The following SEZ6L variants were observed in gnomAD, a reference collection of about 807,000 sequenced individuals.
SEZ6L encodes seizure related 6 homolog like.
A neutral mutation model predicts 106.2 loss-of-function variants in SEZ6L; 37 were observed. That is an observed-to-expected ratio of 0.35 (90% CI 0.27 to 0.46). The LOEUF (loss-of-function observed/expected upper bound fraction) is 0.46. Among genes scored for constraint, SEZ6L ranks in the 20% least tolerant of loss-of-function variants. The pLI is 1.00. For missense variants in SEZ6L, 1,172 were observed against 1,332.8 expected, an observed-to-expected ratio of 0.88 and a Z score of 1.88; for synonymous variants, 541 against 570.4, an observed-to-expected ratio of 0.95 and a Z score of 0.73.
chr22:26,360,334 A>G (rs1160076132), intron 12 of SEZ6L, among the ~76,000 whole-genome samples: 1 of 152,162 alleles, frequency 6.6e-6, no homozygotes, highest in Non-Finnish European at 1.5e-5. Context: ...CCCCAGGGCG[A>G]GGACAGTGTT....
intron 1 of SEZ6L, among the ~76,000 whole-genome samples, chr22:26,285,675 G>A (rs181857518): frequency 2.6e-5 from 4 of 152,252 alleles, no homozygotes; most frequent in East Asian, 1.9e-4. Flanking sequence ...TTCCTACAAC[G>A]CATAGAGCAG....
At position 26,373,336 on chromosome 22, in the gene SEZ6L, C is replaced by T. The variant is rs1045701997; in HGVS notation, c.2795-115C>T. 5 of 836,586 alleles carry T rather than the reference C, an allele frequency of 6.0e-6. No homozygotes were observed. The African/African-American group carries it at 8.6e-5, about 14-fold the overall frequency. 51.8% of individuals were successfully genotyped at this position (836,586 alleles called of 1,614,324 possible). A position where few individuals can be genotyped will look rare whatever the true frequency, so the allele number is the denominator to read the frequency against. ...TGGCCCAAGATAAGTAAAAACATAC[C>T]ACTAACTTCACCAAAGCATGGCATG... is the stretch of plus-strand genomic sequence containing the variant. On this transcript the variant is annotated intron_variant, in intron 13 of 16. Coordinates refer to ENST00000248933, the MANE Select transcript of SEZ6L (RefSeq NM_021115.5).
chr22:26,205,064 C>T (rs1368273753), intron 1 of SEZ6L, among the ~76,000 whole-genome samples: 3 of 152,202 alleles, frequency 2.0e-5, no homozygotes, highest in African/African-American at 7.2e-5. Context: ...TTTTCCCATT[C>T]ATTATTCCTT....
chr22:26,253,455 C>T (rs9613142), intron 1 of SEZ6L, among the ~76,000 whole-genome samples: 34,312 of 152,074 alleles, frequency 0.23, 4,219 homozygotes, highest in African/African-American at 0.31. Flanking sequence ...TTGCAATGTC[C>T]TTTCTCAACG....
chr22:26,215,174 CATG>C (rs2078265380), intron 1 of SEZ6L, among the ~76,000 whole-genome samples: 1 of 152,174 alleles, frequency 6.6e-6, no homozygotes, highest in Admixed American at 6.5e-5. Flanking sequence ...TTGTTTTAAT[CATG>C]ATGTTAACTG....
chr22:26,302,894 C>T (rs545872174), intron 5 of SEZ6L, among the ~76,000 whole-genome samples: 1 of 152,288 alleles, frequency 6.6e-6, no homozygotes, highest in South Asian at 2.1e-4. Context: ...ATGGCCAGAG[C>T]CCCCCACCAG....
intron 9 of SEZ6L, among the ~76,000 whole-genome samples, chr22:26,337,743 G>T (rs1601538027): frequency 6.6e-6 from 1 of 152,198 alleles, no homozygotes; most frequent in East Asian, 1.9e-4. Context: ...GAAGACATGT[G>T]TGCAAAGCAA....
intron 10 of SEZ6L, among the ~76,000 whole-genome samples, chr22:26,345,611 T>C (rs1469692617): frequency 6.6e-6 from 1 of 152,172 alleles, no homozygotes; most frequent in Non-Finnish European, 1.5e-5. Context: ...CGAAGCTATT[T>C]TTTTACCCTT....
chr22:26,203,277 C>A (rs1268709041), intron 1 of SEZ6L, among the ~76,000 whole-genome samples: 1 of 152,184 alleles, frequency 6.6e-6, no homozygotes, highest in Non-Finnish European at 1.5e-5. Flanking sequence ...ACTGGAATGT[C>A]CTTAGCCCTC....
At chr22:26,348,636 G>GAAAGAAAGAAAGAA (rs2083116794) in intron 11 of SEZ6L, among the ~76,000 whole-genome samples, 1 of 27,100 alleles carries the variant, frequency 3.7e-5, no homozygotes, top group Non-Finnish European at 5.8e-5. Flanking sequence ...AAGAAAGAAA[G>GAAAGAAAGAAAGAA]AAAGAAAGAA....
At chr22:26,220,890 T>TG (rs1305009217) in intron 1 of SEZ6L, among the ~76,000 whole-genome samples, 14 of 71,700 alleles carry the variant, frequency 2.0e-4, no homozygotes, top group Admixed American at 3.2e-4. Flanking sequence ...AAATACTGTA[T>TG]GAATGGATGG....
chr22:26,235,175 G>A (rs567396492), intron 1 of SEZ6L, among the ~76,000 whole-genome samples: 3 of 152,220 alleles, frequency 2.0e-5, no homozygotes, highest in Admixed American at 1.3e-4. Context: ...GATATTCCCT[G>A]GTTTGGGACA....
intron 9 of SEZ6L, among the ~76,000 whole-genome samples, chr22:26,335,516 G>A (rs547668264): frequency 2.0e-5 from 3 of 151,706 alleles, no homozygotes; most frequent in Admixed American, 6.5e-5. Context: ...ATAGAATGCT[G>A]ATTTTTTTTC....
chr22:26,252,967 T>C (rs1013194189), intron 1 of SEZ6L, among the ~76,000 whole-genome samples: 2 of 152,220 alleles, frequency 1.3e-5, no homozygotes, highest in African/African-American at 4.8e-5. Flanking sequence ...CGAATTGTAG[T>C]TCTGCTTTAA....
chr22:26,314,868 G>A (rs1320921898), intron 9 of SEZ6L, among the ~76,000 whole-genome samples: 3 of 152,246 alleles, frequency 2.0e-5, no homozygotes, highest in Non-Finnish European at 2.9e-5. Flanking sequence ...AGGCCACCCA[G>A]AAAGCCAGCG....
intron 8 of SEZ6L, 80 bp from the exon 9 acceptor site, chr22:26,313,684 T>C: frequency 6.5e-7 from 1 of 1,540,248 alleles, no homozygotes; most frequent in South Asian, 1.2e-5. Context: ...TCTGACTTCA[T>C]AGCCCACATG....
chr22:26,272,677 G>C (rs1556296838), intron 1 of SEZ6L, among the ~76,000 whole-genome samples: 1 of 152,348 alleles, frequency 6.6e-6, no homozygotes, highest in East Asian at 1.9e-4. Flanking sequence ...CACTGGGTTT[G>C]TAGTGAGTGT....
intron 8 of SEZ6L, among the ~76,000 whole-genome samples, chr22:26,313,110 A>G (rs972117277): frequency 3.9e-5 from 6 of 152,234 alleles, no homozygotes; most frequent in African/African-American, 1.4e-4. Flanking sequence ...GTAAACACAG[A>G]GTAGAATTTA....
At chr22:26,171,815 A>T (rs1332320148) in intron 1 of SEZ6L, among the ~76,000 whole-genome samples, 1 of 152,166 alleles carries the variant, frequency 6.6e-6, no homozygotes, top group South Asian at 2.1e-4. Flanking sequence ...GCCAATGAGC[A>T]TTGCCGAGTC....
Sources: gnomAD v4.1 joint callset for allele counts (sites outside exome capture counted in the v4.1 genomes callset) on GRCh38, gnomAD v4.1.1 for gene constraint, MANE v1.5 for transcripts, NCBI Gene and HGNC (gene_info 2026-07-23, HGNC 2026-07-21) for gene names.